The following MRPL54 variants were observed in gnomAD, a reference collection of about 807,000 sequenced individuals.
MRPL54 encodes the protein mitochondrial ribosomal protein L54, also known as large ribosomal subunit protein mL54.
Under a neutral mutation model 15.6 loss-of-function variants are expected in MRPL54, and 12 were observed. The ratio of observed to expected loss-of-function variants is 0.77; its 90% CI spans 0.49 to 1.24. The LOEUF (loss-of-function observed/expected upper bound fraction) is 1.24. Among genes scored for constraint, MRPL54 ranks in the 50% most tolerant of loss-of-function variants. MRPL54 has a pLI of 0.00. For missense variants in MRPL54, 178 were observed against 186.8 expected, an observed-to-expected ratio of 0.95 and a Z score of 0.28; for synonymous variants, 91 against 75.7, an observed-to-expected ratio of 1.20 and a Z score of -1.05.
At chr19:3,763,341 C>A (rs2037168843) in intron 1 of MRPL54, among the ~76,000 whole-genome samples, 1 of 152,176 alleles carries the variant, frequency 6.6e-6, no homozygotes. Context: ...GGGAAATTGT[C>A]CAATGTTCGG....
At chr19:3,763,319 T>C (rs570735333) in intron 1 of MRPL54, among the ~76,000 whole-genome samples, 6 of 152,312 alleles carry the variant, frequency 3.9e-5, no homozygotes, top group Admixed American at 1.3e-4. Context: ...CCTGATCTCC[T>C]TTGTTGAAAG....
chr19:3,767,052 C>G (rs1380125579), intron 2 of MRPL54, among the ~76,000 whole-genome samples: 1 of 152,162 alleles, frequency 6.6e-6, no homozygotes, highest in Non-Finnish European at 1.5e-5. Flanking sequence ...GTGCCAGCCT[C>G]AGATGTGCCA....
In MRPL54 at chr19:3,762,685, C is replaced by A; in HGVS notation, c.-16C>A. ...TCTTCCGGAAACGTGCACTTGCAAG[C>A]TGCCCGCAATACGTCATGGCGACCA... On this transcript the variant is annotated 5_prime_UTR_variant, in exon 1 of 3. The change creates a new upstream start codon in the 5' untranslated region. Coordinates refer to ENST00000330133, the MANE Select transcript of MRPL54 (RefSeq NM_172251.3). The A allele has an allele frequency of 6.2e-7, 1 of 1,609,152 alleles. No homozygotes were observed. Among genetic ancestry groups the A allele is most frequent in the South Asian group, 1.1e-5 (1 of 90,844 alleles).
intron 2 of MRPL54, among the ~76,000 whole-genome samples, chr19:3,766,621 G>T (rs1396228902): frequency 6.6e-6 from 1 of 152,258 alleles, no homozygotes; most frequent in African/African-American, 2.4e-5. Context: ...GAGCTAGCTG[G>T]GGAGGCAGAC....
In MRPL54 at chr19:3,762,737, TG is replaced by T; in HGVS notation, c.40del (p.Ala14ProfsTer9). ...ACGCCTTTTCGGGGCTACCCGGACG[TG>T]GGCCGGCTGGGGGGCCTGGGAGCTC... ...TKRLFGATRT[W>X]AGWGAWELLN... On this transcript the variant is annotated frameshift_variant, in exon 1 of 3. Transcript: ENST00000330133. LOFTEE classifies it high-confidence loss of function. The T allele has an allele frequency of 6.2e-7, 1 of 1,611,374 alleles. No homozygotes were observed. Among genetic ancestry groups the T allele is most frequent in the Non-Finnish European group, 8.5e-7 (1 of 1,178,950 alleles).
At position 3,763,641 on chromosome 19, in the gene MRPL54, C is replaced by T. The variant is rs888835528; in HGVS notation, c.118+823C>T. On this transcript the variant is annotated intron_variant, in intron 1 of 2. Transcript: ENST00000330133. The stretch of plus-strand genomic sequence containing the variant: ...AAAAAAAAAAAAAAATTGCCTGGCG[C>T]GGTAGCTCACGCCTGTAATCCCAGC... Among the ~76,000 whole-genome samples, 29 of 150,850 alleles carry T rather than the reference C, an allele frequency of 1.9e-4. No homozygotes were observed. The East Asian group carries it at 4.9e-3, about 25-fold the overall frequency.
chr19:3,766,996 G>T (rs2037204181), intron 2 of MRPL54, among the ~76,000 whole-genome samples: 1 of 152,318 alleles, frequency 6.6e-6, no homozygotes, highest in Middle Eastern at 3.4e-3. Context: ...GTGGGGGCAG[G>T]TGGCATGATG....
rs1296984733 is a variant in MRPL54 at position 3,767,396 on chromosome 19, T to C, written c.*3T>C. ...TGAGCAAGAACAAGAGGTTGTAGCA[T>C]GGAGGGCCCGGCATCGCTGACCCCC... On this transcript the variant is annotated 3_prime_UTR_variant, in exon 3 of 3. Transcript: ENST00000330133. 2.5e-6 allele frequency: 4 copies of C among 1,608,538 alleles called. No individual in the cohort carries two copies. Among genetic ancestry groups the C allele is most frequent in the African/African-American group, 2.7e-5 (2 of 74,500 alleles).
At chr19:3,767,200 G>A (rs903788783) in intron 2 of MRPL54, 61 bp from the exon 3 acceptor site, 32 of 1,552,656 alleles carry the variant, frequency 2.1e-5, no homozygotes, top group Non-Finnish European at 2.7e-5. Flanking sequence ...CGAGGTGCCC[G>A]GGACACCAGG....
chr19:3,765,162 C>T lies in MRPL54; in HGVS notation c.119-4C>T, dbSNP rs1000501604. On this transcript the variant is annotated splice_region_variant and splice_polypyrimidine_tract_variant and intron_variant, in intron 1 of 2. Transcript: ENST00000330133. ...TGAAATGACTCTCCCTCTCGTCTCC[C>T]CAGTTATGAAGGGGGCCAAATCGGG... is the stretch of plus-strand genomic sequence containing the variant. 1 of 1,608,104 alleles carries T rather than the reference C, an allele frequency of 6.2e-7. No individual in the cohort carries two copies. Among genetic ancestry groups the T allele is most frequent in the Non-Finnish European group, 8.5e-7 (1 of 1,177,284 alleles).
chr19:3,767,488 C>T lies in MRPL54; in HGVS notation c.*95C>T. The T allele has an allele frequency of 2.0e-6, 3 of 1,535,768 alleles. No homozygotes were observed. The highest frequency in any genetic ancestry group is 2.6e-6 in the Non-Finnish European group (3 of 1,145,548). ...GTGAGACAAGAGGCGGCTCCCCAGC[C>T]TGGGTTTCCATGTGACCCCACAGTG... On this transcript the variant is annotated 3_prime_UTR_variant, in exon 3 of 3. Coordinates refer to ENST00000330133, the MANE Select transcript of MRPL54 (RefSeq NM_172251.3).
Position 3,767,326 on chromosome 19 carries a change from A to G in MRPL54, c.350A>G (p.Tyr117Cys), listed in dbSNP as rs368253674. The G allele has an allele frequency of 6.6e-5, 107 of 1,611,414 alleles. No individual in the cohort carries two copies. Among genetic ancestry groups the G allele is most frequent in the Middle Eastern group, 3.3e-4 (2 of 6,050 alleles). The change falls in exon 3 of 3, where the codon TAC (tyrosine) becomes TGC (cysteine). Residue 117 changes from tyrosine to cysteine, a missense_variant. Transcript: ENST00000330133. ...GAGCTGGACCCCGAGAGCCGGGAGT[A>G]CTGGCGGCGGCTGCGGAAACAGAAC... is the stretch of plus-strand genomic sequence containing the variant. The part of the protein sequence containing the change: ...LEELDPESRE[Y>C]WRRLRKQNIW...
At chr19:3,762,921 G>A in intron 1 of MRPL54, 103 bp downstream of exon 1, 1 of 979,744 alleles carries the variant, frequency 1.0e-6, no homozygotes, top group Non-Finnish European at 1.5e-6. Context: ...TGATGCGCAA[G>A]CGCAGAGAGG....
chr19:3,764,820 A>C (rs1197336361), intron 1 of MRPL54, among the ~76,000 whole-genome samples: 1 of 151,810 alleles, frequency 6.6e-6, no homozygotes, highest in African/African-American at 2.4e-5. Flanking sequence ...CGAGGTCAGG[A>C]GATCGAGACC....
Position 3,767,255 on chromosome 19 carries a change from C to T in MRPL54, c.285-6C>T, listed in dbSNP as rs201523931. 4.2e-4 allele frequency: 673 copies of T among 1,610,986 alleles called. 3 individuals carry two copies. In the African/African-American group the frequency reaches 7.2e-3, roughly 17 times the overall value. On this transcript the variant is annotated splice_region_variant and splice_polypyrimidine_tract_variant and intron_variant, in intron 2 of 2. Coordinates refer to ENST00000330133, the MANE Select transcript of MRPL54 (RefSeq NM_172251.3). ...TAGCTCTGATTCCTGCCCGCACCCC[C>T]GTCAGGCTGTTCGAGATGAACTTGG...
intron 2 of MRPL54, 69 bp from the exon 3 acceptor site, chr19:3,767,192 A>C: frequency 6.5e-7 from 1 of 1,539,832 alleles, no homozygotes; most frequent in Non-Finnish European, 8.7e-7. Context: ...CCTCTGCCCG[A>C]GGTGCCCGGG....
chr19:3,766,436 A>C (rs909529702), intron 2 of MRPL54, among the ~76,000 whole-genome samples: 4 of 150,322 alleles, frequency 2.7e-5, no homozygotes, highest in African/African-American at 9.8e-5. Flanking sequence ...CTGGTCTTGA[A>C]CTCCTGACCT....
intron 2 of MRPL54, 96 bp downstream of exon 2, chr19:3,765,427 A>G: frequency 7.2e-7 from 1 of 1,387,600 alleles, no homozygotes; most frequent in Non-Finnish European, 1.0e-6. Flanking sequence ...CTCCAGCCGG[A>G]GCCTAATAGT....
At position 3,767,313 on chromosome 19, in the gene MRPL54, G is replaced by A. The variant is rs779084462; in HGVS notation, c.337G>A (p.Glu113Lys). ...AAAGACCCTGGAGGAGCTGGACCCC[G>A]AGAGCCGGGAGTACTGGCGGCGGCT... ...PPKTLEELDP[E>K]SREYWRRLRK... Residue 113 changes from glutamate to lysine, a missense_variant, in exon 3 of 3, where the codon GAG (glutamate) becomes AAG (lysine). Glu to Lys is a moderately conservative substitution (Grantham distance 56). Coordinates refer to ENST00000330133, the MANE Select transcript of MRPL54 (RefSeq NM_172251.3). 2.8e-5 allele frequency: 45 copies of A among 1,612,148 alleles called. No individual in the cohort carries two copies. The highest frequency in any genetic ancestry group is 9.9e-5 in the South Asian group (9 of 91,020).
Sources: gnomAD v4.1 joint callset for allele counts (sites outside exome capture counted in the v4.1 genomes callset) on GRCh38, gnomAD v4.1.1 for gene constraint, MANE v1.5 for transcripts, NCBI Gene and HGNC (gene_info 2026-07-23, HGNC 2026-07-21) for gene names.